The following TARS3 variants were observed in gnomAD, a reference collection of about 807,000 sequenced individuals.
TARS3 encodes threonyl-tRNA synthetase 3.
In TARS3, 94 loss-of-function variants were observed where a neutral mutation model predicts 103.5. The observed-to-expected ratio is 0.91, with a 90% confidence interval of 0.77 to 1.08. The LOEUF (loss-of-function observed/expected upper bound fraction) is 1.08. Among genes scored for constraint, TARS3 ranks in the 50% least tolerant of loss-of-function variants. The pLI is 0.00. For missense variants in TARS3, 952 were observed against 995.2 expected (o/e 0.96, Z 0.58); for synonymous variants, 416 against 355.4 (o/e 1.17, Z -1.92).
At chr15:101,691,839 C>A (rs183488319) in intron 10 of TARS3, among the ~76,000 whole-genome samples, 16 of 147,942 alleles carry the variant, frequency 1.1e-4, no homozygotes, top group Non-Finnish European at 1.9e-4. Context: ...TTCCCCCCAA[C>A]CCCTGACCAT....
chr15:101,705,752 G>C lies in TARS3; in HGVS notation c.931-5C>G. The C allele has an allele frequency of 6.3e-7, 1 of 1,595,306 alleles. No individual in the cohort carries two copies. The highest frequency in any genetic ancestry group is 8.6e-7 in the Non-Finnish European group (1 of 1,166,306). On this transcript the variant is annotated splice_polypyrimidine_tract_variant and splice_region_variant and intron_variant, in intron 6 of 18. Transcript: ENST00000335968. ...GCGGCATTTAAATTTATTGTACTAC[G>C]AAGAAAAACATATTTACACATTATT...
At chr15:101,682,945 C>A (rs1898312818) in intron 12 of TARS3, among the ~76,000 whole-genome samples, 1 of 152,158 alleles carries the variant, frequency 6.6e-6, no homozygotes. Context: ...ACTGCCTTAT[C>A]TTTTTAACAG....
chr15:101,711,931 T>A lies in TARS3; in HGVS notation c.761A>T (p.Tyr254Phe). Residue 254 changes from tyrosine to phenylalanine, a missense_variant, in exon 5 of 19, where the codon TAC becomes TTC. Coordinates refer to ENST00000335968, the MANE Select transcript of TARS3 (RefSeq NM_152334.3). ...AAATCCATTTTCAATGGGCGGACCG[T>A]AGCACAGGTGGCCTCCATAGTAAAG... ...MELYYGGHLC[Y>F]GPPIENGFYY... 1 of 1,613,652 alleles carries A rather than the reference T, an allele frequency of 6.2e-7. No individual in the cohort carries two copies. The highest frequency in any genetic ancestry group is 8.5e-7 in the Non-Finnish European group (1 of 1,179,556).
chr15:101,654,660 C>T lies in TARS3; in HGVS notation c.2331G>A (p.Glu777=). 3 of 1,614,138 alleles carry T rather than the reference C, an allele frequency of 1.9e-6. No homozygotes were observed. Among genetic ancestry groups the T allele is most frequent in the Non-Finnish European group, 2.5e-6 (3 of 1,179,980 alleles). ...VRTRDNKIHG[E]ILVTSAIDKL... Reference sequence around the variant, plus strand: ...TATCAATGGCAGAAGTTACTAAAATCTCTCCATGAATTTTGTTGTCTCTTG... The same window carrying T: ...TATCAATGGCAGAAGTTACTAAAATTTCTCCATGAATTTTGTTGTCTCTTG... Residue 777 remains glutamate, a synonymous_variant, in exon 19 of 19, where the codon GAG becomes GAA. Transcript: ENST00000335968.
chr15:101,677,694 C>A (rs1156773943), intron 12 of TARS3, among the ~76,000 whole-genome samples: 3 of 152,060 alleles, frequency 2.0e-5, no homozygotes, highest in Non-Finnish European at 2.9e-5. Context: ...GACAGGGTTT[C>A]TCCATGTTAG....
chr15:101,655,848 C>T (rs1257012025), intron 18 of TARS3: 3 of 1,268,750 alleles, frequency 2.4e-6, no homozygotes, highest in African/African-American at 3.1e-5. Context: ...CAGGCTCACG[C>T]TGACTCCACC....
At chr15:101,686,101 G>A (rs1898464917) in intron 10 of TARS3, 39 bp from the exon 11 acceptor site, 6 of 1,540,286 alleles carry the variant, frequency 3.9e-6, no homozygotes, top group South Asian at 3.7e-5. Context: ...ATCTGCTAGG[G>A]CAGATCACAA....
intron 6 of TARS3, among the ~76,000 whole-genome samples, chr15:101,707,573 T>C (rs1899632296): frequency 6.6e-6 from 1 of 152,192 alleles, no homozygotes. Context: ...GAGGACTTTT[T>C]GCTGAGTGAA....
chr15:101,700,477 C>G (rs757040594), intron 10 of TARS3, among the ~76,000 whole-genome samples: 7 of 152,160 alleles, frequency 4.6e-5, no homozygotes, highest in Non-Finnish European at 1.0e-4. Flanking sequence ...CTCCTTTCTT[C>G]TTTTTCACAG....
chr15:101,656,414 T>A (rs1221139450), intron 18 of TARS3, among the ~76,000 whole-genome samples: 2 of 152,250 alleles, frequency 1.3e-5, no homozygotes, highest in Non-Finnish European at 2.9e-5. Flanking sequence ...TCTCTTAATT[T>A]TGGAATCATT....
chr15:101,662,358 A>C (rs1897415060), intron 15 of TARS3, among the ~76,000 whole-genome samples: 1 of 152,266 alleles, frequency 6.6e-6, no homozygotes, highest in South Asian at 2.1e-4. Context: ...GCTTCTCAGA[A>C]AGATAAATTT....
intron 12 of TARS3, among the ~76,000 whole-genome samples, chr15:101,678,945 T>TA (rs1898142898): frequency 6.6e-6 from 1 of 152,206 alleles, no homozygotes; most frequent in African/African-American, 2.4e-5. Flanking sequence ...TTCAGCACTT[T>TA]AAAAGTATTG....
At chr15:101,669,700 T>G (rs958318515) in intron 15 of TARS3, among the ~76,000 whole-genome samples, 2 of 152,192 alleles carry the variant, frequency 1.3e-5, no homozygotes, top group African/African-American at 4.8e-5. Context: ...TTCAGTAGAG[T>G]AACATGCTTT....
intron 15 of TARS3, among the ~76,000 whole-genome samples, chr15:101,669,472 A>G (rs902739227): frequency 5.9e-5 from 9 of 152,246 alleles, no homozygotes; most frequent in Non-Finnish European, 1.2e-4. Flanking sequence ...TATAATGTCT[A>G]CAGTAGTATA....
intron 15 of TARS3, among the ~76,000 whole-genome samples, chr15:101,671,221 C>A (rs1897786958): frequency 6.6e-6 from 1 of 152,182 alleles, no homozygotes; most frequent in South Asian, 2.1e-4. Flanking sequence ...CCCCCTGTAA[C>A]TCAGGGAGAG....
intron 5 of TARS3, 101 bp downstream of exon 5, chr15:101,711,779 T>C (rs183591110): frequency 2.1e-5 from 29 of 1,365,338 alleles, no homozygotes; most frequent in Middle Eastern, 3.9e-4. Context: ...CCCCACATTA[T>C]GTAAGGGCCA....
chr15:101,672,988 G>A (rs1373108412), intron 13 of TARS3, among the ~76,000 whole-genome samples: 6 of 152,308 alleles, frequency 3.9e-5, no homozygotes, highest in East Asian at 1.9e-4. Flanking sequence ...GCTGCTCCTC[G>A]GGCCTTGGAG....
chr15:101,691,894 C>CA (rs1555485505), intron 10 of TARS3, among the ~76,000 whole-genome samples: 1 of 151,668 alleles, frequency 6.6e-6, no homozygotes, highest in Non-Finnish European at 1.5e-5. Context: ...GAGCTCTCTC[C>CA]TTTTTTTAGA....
chr15:101,667,262 G>A (rs1037147910), intron 15 of TARS3, among the ~76,000 whole-genome samples: 16 of 152,094 alleles, frequency 1.1e-4, no homozygotes, highest in Admixed American at 6.5e-4. Flanking sequence ...AGCATTATTC[G>A]TAAGGGTTCT....
Sources: gnomAD v4.1 joint callset for allele counts (sites outside exome capture counted in the v4.1 genomes callset) on GRCh38, gnomAD v4.1.1 for gene constraint, MANE v1.5 for transcripts, NCBI Gene and HGNC (gene_info 2026-07-23, HGNC 2026-07-21) for gene names.